EMP2: variants seen among roughly 807,000 people sequenced by gnomAD.
EMP2 encodes epithelial membrane protein 2.
A neutral mutation model predicts 13.7 loss-of-function variants in EMP2; 19 were observed. The observed-to-expected ratio is 1.38, with a 90% CI of 0.97 to 2.03. EMP2 has a LOEUF of 2.03. Ranked by LOEUF, EMP2 falls within the 30% of genes most tolerant of loss-of-function variation. The probability of loss-of-function intolerance (pLI) is 0.00; values close to 1 mark genes in which losing one functional copy is unlikely to be tolerated. For synonymous variants in EMP2, 97 were observed against 84.7 expected (o/e 1.15, Z -0.80); for missense variants, 253 against 220.7 (o/e 1.15, Z -0.93).
rs1408762601 is a variant in EMP2 at position 10,532,130 on chromosome 16, C to T, written c.*775G>A. 6.5e-6 allele frequency: 1 copy of T among 154,792 alleles called. No homozygotes were observed. Among genetic ancestry groups the T allele is most frequent in the Non-Finnish European group, 1.5e-5 (1 of 68,246 alleles). The allele number at this position is 154,792 out of a possible 1,614,324, so 9.6% of individuals were successfully genotyped here. ...ACTTCAACGCATCTGAAGCGTTGCC[C>T]AGGGAGCGCGTTAGAAATGCAGATT... On this transcript the variant is annotated 3_prime_UTR_variant, in exon 5 of 5. Transcript: ENST00000359543.
intron 1 of EMP2, among the ~76,000 whole-genome samples, chr16:10,566,819 C>T (rs1178060922): frequency 1.3e-5 from 2 of 152,142 alleles, no homozygotes; most frequent in Admixed American, 6.5e-5. Context: ...GACAGAAAGA[C>T]ATGGACCACA....
At chr16:10,554,554 G>C (rs76412402) in intron 1 of EMP2, among the ~76,000 whole-genome samples, 1 of 152,092 alleles carries the variant, frequency 6.6e-6, no homozygotes, top group African/African-American at 2.4e-5. Flanking sequence ...AACAGTTCCC[G>C]GGGCTGTGTG....
intron 1 of EMP2, among the ~76,000 whole-genome samples, chr16:10,569,790 G>C (rs987201688): frequency 6.6e-6 from 1 of 152,172 alleles, no homozygotes; most frequent in Non-Finnish European, 1.5e-5. Context: ...CCCCACTCTG[G>C]GTGTGTCGAT....
chr16:10,571,602 G>A (rs935428771), intron 1 of EMP2, among the ~76,000 whole-genome samples: 35 of 152,208 alleles, frequency 2.3e-4, no homozygotes, highest in African/African-American at 7.5e-4. Flanking sequence ...GTGGGGCAGG[G>A]GAAGAGTGAC....
intron 1 of EMP2, among the ~76,000 whole-genome samples, chr16:10,561,041 G>A (rs758182183): frequency 6.6e-6 from 1 of 152,168 alleles, no homozygotes; most frequent in African/African-American, 2.4e-5. Flanking sequence ...GCAAACGTGG[G>A]GAAGCTATTG....
intron 1 of EMP2, among the ~76,000 whole-genome samples, chr16:10,558,654 T>C (rs1426870696): frequency 1.3e-5 from 2 of 152,136 alleles, no homozygotes; most frequent in East Asian, 3.9e-4. Context: ...CTGTGGGATC[T>C]GCCCACGGAC....
At chr16:10,554,180 G>T (rs2050810314) in intron 1 of EMP2, among the ~76,000 whole-genome samples, 1 of 151,878 alleles carries the variant, frequency 6.6e-6, no homozygotes, top group South Asian at 2.1e-4. Flanking sequence ...TACAGGCATG[G>T]GCCACCATGC....
intron 1 of EMP2, among the ~76,000 whole-genome samples, chr16:10,552,815 G>A (rs1472452710): frequency 3.3e-5 from 5 of 152,162 alleles, no homozygotes; most frequent in African/African-American, 4.8e-5. Flanking sequence ...TGATGTCTGG[G>A]AAGTACTGCT....
chr16:10,569,478 C>T (rs190422471), intron 1 of EMP2, among the ~76,000 whole-genome samples: 1 of 152,030 alleles, frequency 6.6e-6, no homozygotes, highest in Admixed American at 6.5e-5. Context: ...GCCACCATAC[C>T]TGGGTAATTT....
intron 1 of EMP2, among the ~76,000 whole-genome samples, chr16:10,559,941 C>T (rs1201231609): frequency 6.6e-6 from 1 of 152,168 alleles, no homozygotes; most frequent in African/African-American, 2.4e-5. Context: ...TCCCAAAGTC[C>T]TGGGATTACA....
In EMP2 at chr16:10,547,546, G is replaced by A. The variant is rs776909986; in HGVS notation, c.72C>T (p.Val24=). 2.7e-5 allele frequency: 44 copies of A among 1,613,890 alleles called. No homozygotes were observed. Among genetic ancestry groups the A allele is most frequent in the African/African-American group, 1.1e-4 (8 of 74,878 alleles). The change falls in exon 2 of 5, where the codon GTC becomes GTT. Residue 24 remains valine (V), a synonymous_variant. Transcript: ENST00000359543. The part of the protein sequence containing the change: ...TSAALLFIAT[V]DNAWWVGDEF... ...GGCAGGAAAGGAAACTTACATTGTC[G>A]ACGGTGGCAATGAACAGCAAGGCTG... is the stretch of plus-strand genomic sequence containing the variant.
At chr16:10,534,932 G>C (rs1267901380) in intron 4 of EMP2, among the ~76,000 whole-genome samples, 2 of 152,196 alleles carry the variant, frequency 1.3e-5, no homozygotes, top group Non-Finnish European at 2.9e-5. Flanking sequence ...CAGGGGCCAA[G>C]CGCGTAGACA....
Position 10,550,952 on chromosome 16 carries a change from G to C in EMP2, c.-60-3275C>G, listed in dbSNP as rs572792675. On this transcript the variant is annotated intron_variant, in intron 1 of 4. Transcript: ENST00000359543. ...AACGCGCCACTGCACTCCAGCCTGG[G>C]TGACAGAGAGAGATTCCATCTCAAA... 4.2e-4 allele frequency among the ~76,000 whole-genome samples: 62 copies of C among 147,208 alleles called. 1 individual carries two copies. The highest frequency in any genetic ancestry group is 1.5e-3 in the African/African-American group (59 of 38,960).
intron 1 of EMP2, among the ~76,000 whole-genome samples, chr16:10,568,372 T>G (rs1308689800): frequency 6.6e-6 from 1 of 152,176 alleles, no homozygotes; most frequent in Admixed American, 6.5e-5. Flanking sequence ...TATGTATATA[T>G]TTATGTATTA....
intron 4 of EMP2, 146 bp downstream of exon 4, chr16:10,537,780 ACG>A: frequency 1.1e-6 from 1 of 934,686 alleles, no homozygotes; most frequent in Non-Finnish European, 1.6e-6. Context: ...ACACACACAC[ACG>A]CAAACACACA....
At chr16:10,569,078 G>A (rs989598549) in intron 1 of EMP2, among the ~76,000 whole-genome samples, 3 of 151,984 alleles carry the variant, frequency 2.0e-5, no homozygotes, top group Non-Finnish European at 2.9e-5. Flanking sequence ...GTGAGCCACC[G>A]CGCCCAGCTG....
intron 4 of EMP2, among the ~76,000 whole-genome samples, chr16:10,536,936 G>A (rs988304797): frequency 6.6e-6 from 1 of 152,160 alleles, no homozygotes; most frequent in Non-Finnish European, 1.5e-5. Context: ...GATGGTCCCA[G>A]GCAAACTAGA....
rs566699802 is a variant in EMP2 at position 10,570,219 on chromosome 16, G to A, written c.-61+10330C>T. Among the ~76,000 whole-genome samples, 25 of 148,422 alleles carry A rather than the reference G, an allele frequency of 1.7e-4. No homozygotes were observed. The South Asian group carries it at 3.9e-3, about 23-fold the overall frequency. ...GGCTAGAAAGTGTCCCTGAAAAAAT[G>A]GTGGCTTTTTTTTTTTTTTTTTTAA... On this transcript the variant is annotated intron_variant, in intron 1 of 4. Coordinates refer to ENST00000359543, the MANE Select transcript of EMP2 (RefSeq NM_001424.6).
At chr16:10,534,359 C>A (rs1420625030) in intron 4 of EMP2, among the ~76,000 whole-genome samples, 1 of 152,200 alleles carries the variant, frequency 6.6e-6, no homozygotes, top group African/African-American at 2.4e-5. Flanking sequence ...GCTCTAGAAA[C>A]TTTTCTACCT....
Sources: gnomAD v4.1 joint callset for allele counts (sites outside exome capture counted in the v4.1 genomes callset) on GRCh38, gnomAD v4.1.1 for gene constraint, MANE v1.5 for transcripts, NCBI Gene and HGNC (gene_info 2026-07-23, HGNC 2026-07-21) for gene names.